The following RORA variants were observed in gnomAD, a reference collection of about 807,000 sequenced individuals.
RORA encodes nuclear receptor ROR-alpha.
RORA carries 7 observed loss-of-function variants against 69.5 expected under a neutral mutation model. The ratio of observed to expected loss-of-function variants is 0.10; its 90% CI spans 0.06 to 0.19. The LOEUF is 0.19. Ranked by LOEUF, RORA falls within the 10% of genes least tolerant of loss-of-function variation. RORA has a pLI of 1.00. For synonymous variants in RORA, 261 were observed against 240.8 expected, an observed-to-expected ratio of 1.08 and a Z score of -0.78; for missense variants, 457 against 663.0, an observed-to-expected ratio of 0.69 and a Z score of 3.41.
In RORA at chr15:60,711,506, C is replaced by T. The variant is rs568666457; in HGVS notation, c.167-32820G>A. On this transcript the variant is annotated intron_variant, in intron 1 of 10. Transcript: ENST00000335670. The stretch of plus-strand genomic sequence containing the variant: ...TAAGGGGTAATAAAAGGTGGCTCTT[C>T]TTCCCCATTTTTGCATCCTTCCTTC... Among the ~76,000 whole-genome samples, 4 of 152,324 alleles carry T rather than the reference C, an allele frequency of 2.6e-5. No homozygotes were observed. The South Asian group carries it at 6.2e-4, about 24-fold the overall frequency.
intron 1 of RORA, among the ~76,000 whole-genome samples, chr15:60,948,363 T>A (rs976855321): frequency 4.6e-5 from 7 of 152,322 alleles, no homozygotes; most frequent in East Asian, 1.9e-4. Flanking sequence ...TAAATACATT[T>A]TTTCTTTCCA....
intron 1 of RORA, among the ~76,000 whole-genome samples, chr15:61,090,102 G>A (rs1017431233): frequency 1.3e-5 from 2 of 152,204 alleles, no homozygotes; most frequent in Non-Finnish European, 2.9e-5. Context: ...GTAATATTCA[G>A]TAAGCAGAGA....
chr15:61,218,674 TCACACACACACACACA>T (rs3054672), intron 1 of RORA, among the ~76,000 whole-genome samples: 9 of 142,840 alleles, frequency 6.3e-5, no homozygotes, highest in African/African-American at 1.8e-4. Flanking sequence ...CTAATATAAC[TCACACACACACACACA>T]CACACACACA....
chr15:60,778,220 T>G (rs1159714819), intron 1 of RORA, among the ~76,000 whole-genome samples: 1 of 123,944 alleles, frequency 8.1e-6, no homozygotes, highest in Non-Finnish European at 1.7e-5. Flanking sequence ...CTCAGGTTTT[T>G]GTTTTTGTTT....
intron 3 of RORA, among the ~76,000 whole-genome samples, chr15:60,521,389 G>A: frequency 6.6e-6 from 1 of 151,770 alleles, no homozygotes; most frequent in Middle Eastern, 3.4e-3. Context: ...CTACAGGCGT[G>A]CACCACCACA....
intron 2 of RORA, among the ~76,000 whole-genome samples, chr15:60,544,354 T>C (rs1290544690): frequency 1.3e-5 from 2 of 152,232 alleles, no homozygotes; most frequent in Non-Finnish European, 2.9e-5. Flanking sequence ...GTAACTAATT[T>C]TTCATTTTCA....
intron 2 of RORA, among the ~76,000 whole-genome samples, chr15:60,634,692 C>T (rs1415388353): frequency 5.3e-5 from 8 of 152,264 alleles, no homozygotes; most frequent in East Asian, 1.9e-4. Flanking sequence ...CTTGAGCCAC[C>T]GCACCTGGCC....
chr15:61,145,757 T>C (rs2079340110), intron 1 of RORA, among the ~76,000 whole-genome samples: 4 of 152,168 alleles, frequency 2.6e-5, no homozygotes, highest in African/African-American at 2.4e-5. Flanking sequence ...CCTCTTTGAA[T>C]TGCCATCAGA....
At chr15:60,955,407 C>T (rs1181912863) in intron 1 of RORA, among the ~76,000 whole-genome samples, 3 of 152,186 alleles carry the variant, frequency 2.0e-5, no homozygotes, top group African/African-American at 7.2e-5. Context: ...TATGATAATA[C>T]ATACAAAACA....
At chr15:60,675,918 T>C (rs1409072084) in intron 2 of RORA, among the ~76,000 whole-genome samples, 2 of 152,142 alleles carry the variant, frequency 1.3e-5, no homozygotes, top group East Asian at 1.9e-4. Context: ...GAAACCAAGA[T>C]TGAAATTGCT....
chr15:60,669,130 A>C (rs1375798103), intron 2 of RORA, among the ~76,000 whole-genome samples: 1 of 152,200 alleles, frequency 6.6e-6, no homozygotes, highest in Non-Finnish European at 1.5e-5. Flanking sequence ...AAGCAAGGAG[A>C]ACCATTAGCC....
chr15:60,923,305 C>T (rs1892106217), intron 1 of RORA, among the ~76,000 whole-genome samples: 1 of 152,216 alleles, frequency 6.6e-6, no homozygotes, highest in East Asian at 1.9e-4. Flanking sequence ...TCTGCTTCCT[C>T]TAAGGAGATC....
intron 2 of RORA, among the ~76,000 whole-genome samples, chr15:60,560,260 T>C (rs2140419056): frequency 6.6e-6 from 1 of 152,250 alleles, no homozygotes; most frequent in East Asian, 1.9e-4. Flanking sequence ...ATTTTTTCTT[T>C]TGTTTTGTTT....
At chr15:60,875,475 G>A (rs1418670007) in intron 1 of RORA, among the ~76,000 whole-genome samples, 5 of 152,242 alleles carry the variant, frequency 3.3e-5, no homozygotes, top group Middle Eastern at 3.4e-3. Flanking sequence ...TCAGGATCTC[G>A]TCTGATCACT....
intron 1 of RORA, among the ~76,000 whole-genome samples, chr15:60,939,478 G>A (rs1892623585): frequency 1.3e-5 from 2 of 152,218 alleles, no homozygotes; most frequent in South Asian, 2.1e-4. Context: ...GGCTGGTCCT[G>A]AGGTACCTGT....
chr15:61,196,623 CATA>C (rs767605952), intron 1 of RORA, among the ~76,000 whole-genome samples: 2 of 152,218 alleles, frequency 1.3e-5, no homozygotes, highest in Non-Finnish European at 2.9e-5. Flanking sequence ...CTCAGTTAGC[CATA>C]ATATTATGAA....
chr15:61,138,973 G>A (rs1383450742), intron 1 of RORA, among the ~76,000 whole-genome samples: 3 of 151,924 alleles, frequency 2.0e-5, no homozygotes, highest in African/African-American at 4.8e-5. Flanking sequence ...GTGAAACCCC[G>A]TCTCTACTAG....
chr15:60,565,757 A>G (rs929800195), intron 2 of RORA, among the ~76,000 whole-genome samples: 2 of 152,186 alleles, frequency 1.3e-5, no homozygotes, highest in African/African-American at 4.8e-5. Flanking sequence ...TTTTCTTTAA[A>G]TTAGCTAATT....
At chr15:60,809,162 C>T (rs1189916485) in intron 1 of RORA, among the ~76,000 whole-genome samples, 6 of 143,196 alleles carry the variant, frequency 4.2e-5, no homozygotes, top group South Asian at 2.1e-4. Context: ...TCCCCCAAAA[C>T]CCATTGAAAA....
Sources: gnomAD v4.1 joint callset for allele counts (sites outside exome capture counted in the v4.1 genomes callset) on GRCh38, gnomAD v4.1.1 for gene constraint, MANE v1.5 for transcripts, NCBI Gene and HGNC (gene_info 2026-07-23, HGNC 2026-07-21) for gene names.